The following TMEM117 variants were observed in gnomAD, a reference collection of about 807,000 sequenced individuals.
TMEM117 encodes the protein transmembrane protein 117.
A neutral mutation model predicts 52.4 loss-of-function variants in TMEM117; 27 were observed. That is an observed-to-expected ratio of 0.51 (90% CI 0.38 to 0.71). The LOEUF is 0.71. Among genes scored for constraint, TMEM117 ranks in the 30% least tolerant of loss-of-function variants. The pLI, the probability that TMEM117 is intolerant of heterozygous loss-of-function variation, is 0.00. For synonymous variants in TMEM117, 215 were observed against 206.3 expected (o/e 1.04, Z -0.36); for missense variants, 556 against 630.5 (o/e 0.88, Z 1.26).
At chr12:43,820,318 C>T in the TMEM117 span, among the ~76,000 whole-genome samples, 1 of 151,778 alleles carries the variant, frequency 6.6e-6, no homozygotes, top group Non-Finnish European at 1.5e-5. Context: ...CTGTCGCCCA[C>T]GCTGGAGTGC....
chr12:44,184,974 T>A (rs1949257055), intron 4 of TMEM117, among the ~76,000 whole-genome samples: 1 of 152,192 alleles, frequency 6.6e-6, no homozygotes, highest in Non-Finnish European at 1.5e-5. Context: ...GCTTTTCTTA[T>A]TCCTTAAGGT....
intron 2 of TMEM117, among the ~76,000 whole-genome samples, chr12:43,941,276 T>C (rs1044998300): frequency 2.6e-5 from 4 of 152,224 alleles, no homozygotes; most frequent in Non-Finnish European, 5.9e-5. Context: ...TGTCACTTGG[T>C]TGTCTCCTGA....
chr12:43,958,799 T>TTTTTG (rs10687444), intron 3 of TMEM117, among the ~76,000 whole-genome samples: 111,331 of 150,914 alleles, frequency 0.74, 44,009 homozygotes, highest in Non-Finnish European at 0.87. Flanking sequence ...TGGTTTCTTT[T>TTTTTG]TTTGTTAGTT....
At chr12:44,341,712 G>A (rs1331586359) in intron 6 of TMEM117, among the ~76,000 whole-genome samples, 2 of 152,068 alleles carry the variant, frequency 1.3e-5, no homozygotes, top group African/African-American at 2.4e-5. Context: ...CACATCCGAT[G>A]ACAAAGGATC....
At chr12:43,907,081 G>T (rs968870918) in intron 2 of TMEM117, among the ~76,000 whole-genome samples, 7 of 152,178 alleles carry the variant, frequency 4.6e-5, no homozygotes, top group Admixed American at 6.5e-5. Flanking sequence ...AACCTCTGCA[G>T]ACTTAAATGT....
At chr12:44,006,523 C>G (rs1299284772) in intron 3 of TMEM117, among the ~76,000 whole-genome samples, 2 of 152,136 alleles carry the variant, frequency 1.3e-5, no homozygotes, top group Non-Finnish European at 2.9e-5. Context: ...AATACTGTCT[C>G]TAATTTAGTA....
intron 3 of TMEM117, among the ~76,000 whole-genome samples, chr12:44,047,625 A>G (rs982902813): frequency 6.6e-6 from 1 of 152,208 alleles, no homozygotes; most frequent in Admixed American, 6.5e-5. Context: ...TAAGGAGTCA[A>G]TAATTTTACC....
chr12:43,939,094 GT>G (rs1945002952), intron 2 of TMEM117, among the ~76,000 whole-genome samples: 1 of 152,158 alleles, frequency 6.6e-6, no homozygotes, highest in South Asian at 2.1e-4. Flanking sequence ...TTTAAATTTA[GT>G]TTTTGTTTTC....
Position 43,857,877 on chromosome 12 carries a change from C to G in TMEM117, c.277+12949C>G, listed in dbSNP as rs1943427097. On this transcript the variant is annotated intron_variant, in intron 2 of 7. Transcript: ENST00000266534. ...AATCCCATCATAGAGAGATCTGTGC[C>G]CAAAGGATAAATAAGTGGTGGTAGG... Among the ~76,000 whole-genome samples the G allele has an allele frequency of 2.0e-5, 3 of 151,968 alleles. No individual in the cohort carries two copies. In the South Asian group the frequency reaches 6.2e-4, roughly 32 times the overall value.
chr12:43,842,336 T>C (rs1565714359), intron 1 of TMEM117, among the ~76,000 whole-genome samples: 1 of 152,174 alleles, frequency 6.6e-6, no homozygotes, highest in Admixed American at 6.5e-5. Context: ...TGGTCCAAGC[T>C]ACAGCCCCTG....
At chr12:44,152,765 A>G (rs1948769239) in intron 4 of TMEM117, among the ~76,000 whole-genome samples, 1 of 140,692 alleles carries the variant, frequency 7.1e-6, no homozygotes, top group Admixed American at 7.5e-5. Context: ...AATGTATATA[A>G]TATAAATATA....
chr12:43,907,314 A>C (rs940141511), intron 2 of TMEM117, among the ~76,000 whole-genome samples: 6 of 151,242 alleles, frequency 4.0e-5, no homozygotes, highest in African/African-American at 1.4e-4. Context: ...ACTAACAAAC[A>C]GAAAGGACAT....
chr12:44,115,764 A>G (rs534433843), intron 3 of TMEM117, among the ~76,000 whole-genome samples: 1 of 152,304 alleles, frequency 6.6e-6, no homozygotes, highest in East Asian at 1.9e-4. Context: ...TGGAACAGCT[A>G]CTATGTGTAC....
At chr12:44,020,458 C>A (rs1234991436) in intron 3 of TMEM117, among the ~76,000 whole-genome samples, 2 of 152,158 alleles carry the variant, frequency 1.3e-5, no homozygotes, top group African/African-American at 4.8e-5. Flanking sequence ...CCTGACTTCT[C>A]GTGTATTGTT....
intron 2 of TMEM117, among the ~76,000 whole-genome samples, chr12:43,876,355 T>C (rs2137438585): frequency 6.6e-6 from 1 of 152,336 alleles, no homozygotes; most frequent in Non-Finnish European, 1.5e-5. Context: ...GGCTTTCAAC[T>C]TGGTTTCCTC....
intron 4 of TMEM117, among the ~76,000 whole-genome samples, chr12:44,184,032 A>G (rs1349170626): frequency 6.6e-6 from 1 of 152,162 alleles, no homozygotes; most frequent in Non-Finnish European, 1.5e-5. Flanking sequence ...AATTCAGGTT[A>G]CTAATCAGCT....
At chr12:44,157,799 TC>T (rs1466881756) in intron 4 of TMEM117, among the ~76,000 whole-genome samples, 1 of 152,140 alleles carries the variant, frequency 6.6e-6, no homozygotes, top group Non-Finnish European at 1.5e-5. Context: ...AGCAGGCAAA[TC>T]ATAGTCCCAT....
chr12:43,938,500 A>G (rs974352235), intron 2 of TMEM117, among the ~76,000 whole-genome samples: 10 of 152,096 alleles, frequency 6.6e-5, no homozygotes, highest in African/African-American at 2.2e-4. Flanking sequence ...GGGTGTGTGC[A>G]TGTGTCTTGG....
At chr12:44,208,127 A>G (rs1225470319) in intron 4 of TMEM117, among the ~76,000 whole-genome samples, 2 of 152,124 alleles carry the variant, frequency 1.3e-5, no homozygotes, top group African/African-American at 4.8e-5. Context: ...CAAAGATTTC[A>G]CTTAGATTTC....
Sources: gnomAD v4.1 joint callset for allele counts (sites outside exome capture counted in the v4.1 genomes callset) on GRCh38, gnomAD v4.1.1 for gene constraint, MANE v1.5 for transcripts, NCBI Gene and HGNC (gene_info 2026-07-23, HGNC 2026-07-21) for gene names.